DTNA: variants seen among roughly 807,000 people sequenced by gnomAD.
DTNA encodes the protein dystrophin-related protein 3.
A neutral mutation model predicts 100.7 loss-of-function variants in DTNA; 43 were observed. The ratio of observed to expected loss-of-function variants is 0.43; its 90% CI spans 0.33 to 0.55. The LOEUF is 0.55. Ranked by LOEUF, DTNA falls within the 20% of genes least tolerant of loss-of-function variation. DTNA has a pLI of 0.04. For missense variants in DTNA, 798 were observed against 953.9 expected (o/e 0.84, Z 2.15); for synonymous variants, 349 against 347.9 (o/e 1.00, Z -0.04).
intron 1 of DTNA, among the ~76,000 whole-genome samples, chr18:34,505,590 GTTC>G (rs2040409322): frequency 6.6e-6 from 1 of 151,852 alleles, no homozygotes; most frequent in South Asian, 2.1e-4. Flanking sequence ...TAGCTCCCAT[GTTC>G]TTTTCTGTCA....
intron 4 of DTNA, 144 bp downstream of exon 4, chr18:34,794,394 A>G: frequency 6.7e-6 from 6 of 897,762 alleles, no homozygotes; most frequent in Non-Finnish European, 1.0e-5. Context: ...TATGTCAGTA[A>G]AGTCTCCATG....
rs188378197 is a variant in DTNA, at chr18:34,589,968, G to A, written c.-2+96454G>A. On this transcript the variant is annotated intron_variant, in intron 1 of 19. Coordinates refer to the DTNA transcript ENST00000283365. ...TTTTTTGGGGGCTGGATAAGATTCT[G>A]CATATGTATATCACAATTTCTGTAT... is the stretch of plus-strand genomic sequence containing the variant. Among the ~76,000 whole-genome samples, 6 of 152,236 alleles carry A rather than the reference G, an allele frequency of 3.9e-5. No homozygotes were observed. In the East Asian group the frequency reaches 9.7e-4, roughly 25 times the overall value.
At chr18:34,763,684 T>C (rs572289290) in intron 2 of DTNA, among the ~76,000 whole-genome samples, 1 of 152,300 alleles carries the variant, frequency 6.6e-6, no homozygotes, top group Non-Finnish European at 1.5e-5. Context: ...AATAGCTATT[T>C]GGATTAATTT....
At chr18:34,632,284 C>G (rs1363516562) in intron 1 of DTNA, among the ~76,000 whole-genome samples, 1 of 152,048 alleles carries the variant, frequency 6.6e-6, no homozygotes, top group Non-Finnish European at 1.5e-5. Flanking sequence ...CTTTTCCTCA[C>G]CAGTACATGA....
intron 2 of DTNA, among the ~76,000 whole-genome samples, chr18:34,758,629 A>G (rs977963687): frequency 1.3e-5 from 2 of 152,224 alleles, no homozygotes; most frequent in African/African-American, 4.8e-5. Flanking sequence ...TCCTTCAATT[A>G]TTATATTTCA....
In DTNA at chr18:34,598,659, T is replaced by C. The variant is rs182411818; in HGVS notation, c.-2+105145T>C. Among the ~76,000 whole-genome samples the C allele has an allele frequency of 4.6e-3, 698 of 152,096 alleles. 9 individuals are homozygous for C. The highest frequency in any genetic ancestry group is 0.016 in the African/African-American group (670 of 41,508). ...CGGGTGGATCACGAGGTCAGGAGAT[T>C]GAGACCATCCTGGCTAACACGGTGA... is the stretch of plus-strand genomic sequence containing the variant. On this transcript the variant is annotated intron_variant, in intron 1 of 19. Coordinates refer to the DTNA transcript ENST00000283365.
intron 4 of DTNA, among the ~76,000 whole-genome samples, chr18:34,800,969 C>A (rs1185770196): frequency 2.0e-5 from 3 of 152,074 alleles, no homozygotes; most frequent in African/African-American, 7.3e-5. Context: ...AAACCCAGGG[C>A]AGACTAAAGC....
intron 1 of DTNA, among the ~76,000 whole-genome samples, chr18:34,689,878 C>T (rs2079491428): frequency 6.6e-6 from 1 of 152,202 alleles, no homozygotes; most frequent in African/African-American, 2.4e-5. Context: ...AGTCTGGCTA[C>T]AGTGGCTTTG....
At position 34,620,921 on chromosome 18, in the gene DTNA, A is replaced by G. The variant is rs564272821; in HGVS notation, c.-2+127407A>G. On this transcript the variant is annotated intron_variant, in intron 1 of 19. Coordinates refer to the DTNA transcript ENST00000283365. ...CATTGCATAGTTGAAATTTTTTCTA[A>G]TAAAAAATGTATTTGGAGTAACTGA... 7.2e-5 allele frequency among the ~76,000 whole-genome samples: 11 copies of G among 152,238 alleles called. No homozygotes were observed. The East Asian group carries it at 1.9e-3, about 27-fold the overall frequency.
chr18:34,499,038 A>G (rs1215814365), intron 1 of DTNA, among the ~76,000 whole-genome samples: 6 of 152,196 alleles, frequency 3.9e-5, no homozygotes, highest in African/African-American at 1.4e-4. Context: ...CAATATCACA[A>G]CCAGGATGTT....
chr18:34,499,899 ATTTG>A (rs1030828930), intron 1 of DTNA, among the ~76,000 whole-genome samples: 59 of 152,240 alleles, frequency 3.9e-4, no homozygotes, highest in African/African-American at 1.3e-3. Flanking sequence ...CATTGGGAAT[ATTTG>A]TTTGGATTTA....
intron 14 of DTNA, 57 bp downstream of exon 14, chr18:34,848,440 T>C: frequency 1.9e-6 from 3 of 1,542,014 alleles, no homozygotes; most frequent in Admixed American, 1.7e-5. Context: ...TTGAATTTTA[T>C]ATGTCATGTT....
rs545298651 is a variant in DTNA, at chr18:34,677,947, G to C, written c.-1-78029G>C. Among the ~76,000 whole-genome samples the C allele has an allele frequency of 4.6e-5, 7 of 152,308 alleles. No homozygotes were observed. The East Asian group carries it at 1.2e-3, about 25-fold the overall frequency. On this transcript the variant is annotated intron_variant, in intron 1 of 19. Transcript: ENST00000283365. ...ATGACTGGGTAATTTATAAAGGAAA[G>C]AAGTATAATTGACTCAGTTCCAGAT...
intron 1 of DTNA, among the ~76,000 whole-genome samples, chr18:34,729,316 T>C (rs1035797768): frequency 6.6e-6 from 1 of 152,228 alleles, no homozygotes; most frequent in Non-Finnish European, 1.5e-5. Flanking sequence ...CTAATGTCAT[T>C]GCCAAACCTC....
rs775829341 is a variant in DTNA at position 34,879,687 on chromosome 18, T to A, written c.2130T>A (p.Ser710Arg). ...IHARKPGYIH[S>R]GATTSTMRGD... The stretch of plus-strand genomic sequence containing the variant: ...CCCGAAAACCTGGGTACATTCACAG[T>A]GGAGCTACCACAAGTACCATGCGTG... The change falls in exon 20 of 23, where the codon AGT becomes AGA. Residue 710 changes from serine to arginine, a missense_variant. Ser to Arg is a moderately radical substitution (Grantham distance 110). This residue lies in a region of DTNA where 242 missense variants were observed against 238.2 expected (regional missense o/e 1.02). Transcript: ENST00000444659. 1.9e-6 allele frequency: 3 copies of A among 1,613,978 alleles called. No homozygotes were observed. The African/African-American group carries it at 4.0e-5, about 22-fold the overall frequency.
At chr18:34,884,904 C>T in intron 22 of DTNA, 128 bp downstream of exon 22, 1 of 1,129,152 alleles carries the variant, frequency 8.9e-7, no homozygotes, top group South Asian at 1.3e-5. Context: ...TCCTTAACTG[C>T]TGATATCGAA....
chr18:34,496,380 GTTGA>G (rs2039229275), intron 1 of DTNA, among the ~76,000 whole-genome samples: 2 of 152,138 alleles, frequency 1.3e-5, no homozygotes. Context: ...TATATATAGT[GTTGA>G]TTGTTATCAA....
rs549242455 is a variant in DTNA at position 34,581,362 on chromosome 18, T to C, written c.-2+87848T>C. On this transcript the variant is annotated intron_variant, in intron 1 of 19. Coordinates refer to the DTNA transcript ENST00000283365. ...GGCAAAGGTGCTCCACCTGTTGCTGTGTCCTCAGGAGTGACAACAGCTGTA... is the reference window on the plus strand; with the variant it reads ...GGCAAAGGTGCTCCACCTGTTGCTGCGTCCTCAGGAGTGACAACAGCTGTA... Among the ~76,000 whole-genome samples, 2 of 152,368 alleles carry C rather than the reference T, an allele frequency of 1.3e-5. 1 individual carries two copies. The highest frequency in any genetic ancestry group is 4.1e-4 in the South Asian group (2 of 4,830).
At chr18:34,498,739 G>A (rs1171870399) in intron 1 of DTNA, among the ~76,000 whole-genome samples, 1 of 152,020 alleles carries the variant, frequency 6.6e-6, no homozygotes, top group Non-Finnish European at 1.5e-5. Flanking sequence ...AATCAGAACA[G>A]CTATGTGCGT....
Sources: gnomAD v4.1 joint callset for allele counts (sites outside exome capture counted in the v4.1 genomes callset) on GRCh38, gnomAD v4.1.1 for gene constraint, gnomAD v4.1.1 regional missense constraint, MANE v1.5 for transcripts, NCBI Gene and HGNC (gene_info 2026-07-23, HGNC 2026-07-21) for gene names.